Variants in FGF14 observed in about 807,000 individuals in gnomAD.
The protein encoded by FGF14 is fibroblast growth factor 14.
A neutral mutation model predicts 25.5 loss-of-function variants in FGF14; 5 were observed. The observed-to-expected ratio is 0.20, with a 90% CI of 0.10 to 0.41. FGF14 has a LOEUF of 0.41. FGF14 is among the 10% of genes least tolerant of loss of function. FGF14 has a pLI of 1.00. For synonymous variants in FGF14, 138 were observed against 118.3 expected, an observed-to-expected ratio of 1.17 and a Z score of -1.08; for missense variants, 222 against 320.1, an observed-to-expected ratio of 0.69 and a Z score of 2.34.
chr13:102,129,209 C>G (rs1171588220), intron 1 of FGF14, among the ~76,000 whole-genome samples: 1 of 151,870 alleles, frequency 6.6e-6, no homozygotes, highest in Non-Finnish European at 1.5e-5. Context: ...GAAAGCACAC[C>G]ACTGCACTCC....
intron 1 of FGF14, among the ~76,000 whole-genome samples, chr13:102,235,231 C>T (rs1326903118): frequency 6.6e-6 from 1 of 152,082 alleles, no homozygotes; most frequent in Non-Finnish European, 1.5e-5. Flanking sequence ...TTTAATCATG[C>T]CAAACAATAT....
At position 101,711,719 on chromosome 13, in the gene FGF14, A is replaced by C. The variant is rs1188947127; in HGVS notation, c.*11112T>G. ...CATTTCTTTCCCCTTCCTATGTCCT[A>C]AGATGCCCTGAAGACACATGAGAAA... On this transcript the variant is annotated 3_prime_UTR_variant, in exon 5 of 5. Transcript: ENST00000376143. 1 of 152,156 alleles carries C rather than the reference A, an allele frequency of 6.6e-6. No individual in the cohort carries two copies. The highest frequency in any genetic ancestry group is 6.5e-5 in the Admixed American group (1 of 15,276). The allele number at this position is 152,156 out of a possible 1,614,324, so 9.4% of individuals were successfully genotyped here.
chr13:102,280,281 A>G, intron 1 of FGF14, among the ~76,000 whole-genome samples: 1 of 152,180 alleles, frequency 6.6e-6, no homozygotes. Context: ...TGTCATTTTA[A>G]CAGCTGGTAC....
chr13:102,163,963 G>A (rs76200376), intron 1 of FGF14, among the ~76,000 whole-genome samples: 1,541 of 152,226 alleles, frequency 0.01, 8 homozygotes, highest in Non-Finnish European at 0.016. Flanking sequence ...TCTGATTCCC[G>A]TTGTAGATTA....
intron 1 of FGF14, chr13:102,263,110 C>T: frequency 4.8e-6 from 3 of 623,648 alleles, no homozygotes; most frequent in South Asian, 1.4e-5. Context: ...TACCAGTTTT[C>T]GTCTAAATCC....
chr13:101,926,517 T>C (rs2034376228), intron 1 of FGF14, among the ~76,000 whole-genome samples: 1 of 152,232 alleles, frequency 6.6e-6, no homozygotes, highest in South Asian at 2.1e-4. Context: ...CGTACAGCAA[T>C]TCTCAGTGAT....
At chr13:101,928,441 A>C (rs1248773165) in intron 1 of FGF14, among the ~76,000 whole-genome samples, 4 of 151,514 alleles carry the variant, frequency 2.6e-5, no homozygotes, top group Non-Finnish European at 5.9e-5. Context: ...GCTAACTTCA[A>C]TCAACAGGGA....
intron 1 of FGF14, among the ~76,000 whole-genome samples, chr13:102,153,019 C>T (rs1184455672): frequency 2.0e-5 from 3 of 152,224 alleles, no homozygotes; most frequent in Non-Finnish European, 4.4e-5. Flanking sequence ...TTGGGTGGAG[C>T]TGCTGGGAGC....
At chr13:102,111,751 A>T (rs553965398) in intron 1 of FGF14, among the ~76,000 whole-genome samples, 1 of 148,154 alleles carries the variant, frequency 6.7e-6, no homozygotes, top group African/African-American at 2.5e-5. Flanking sequence ...CTCATGTACA[A>T]AGAATTTTGT....
chr13:101,990,038 A>C (rs1053029991), intron 1 of FGF14, among the ~76,000 whole-genome samples: 2 of 152,124 alleles, frequency 1.3e-5, no homozygotes, highest in Non-Finnish European at 2.9e-5. Context: ...TTTGGAAATA[A>C]CTTTCCAAAA....
chr13:102,064,036 A>G (rs941690405), intron 1 of FGF14, among the ~76,000 whole-genome samples: 1 of 152,212 alleles, frequency 6.6e-6, no homozygotes, highest in Admixed American at 6.5e-5. Context: ...GAATGACAAT[A>G]AATAAAATAA....
intron 3 of FGF14, among the ~76,000 whole-genome samples, chr13:101,804,792 A>C (rs982564992): frequency 1.6e-4 from 25 of 152,270 alleles, no homozygotes; most frequent in African/African-American, 6.0e-4. Context: ...CTTTTGTTTT[A>C]CTTGACAGTT....
intron 1 of FGF14, among the ~76,000 whole-genome samples, chr13:102,021,989 T>C (rs910520339): frequency 6.6e-6 from 1 of 152,068 alleles, no homozygotes. Context: ...AGATCAGTGA[T>C]GTCATGATTC....
At chr13:102,000,625 T>G (rs2039440768) in intron 1 of FGF14, among the ~76,000 whole-genome samples, 1 of 152,210 alleles carries the variant, frequency 6.6e-6, no homozygotes, top group Non-Finnish European at 1.5e-5. Flanking sequence ...AAGGAAATAT[T>G]CTGAGCTGGC....
intron 1 of FGF14, among the ~76,000 whole-genome samples, chr13:102,122,749 G>A (rs780421788): frequency 1.3e-5 from 2 of 152,086 alleles, no homozygotes; most frequent in African/African-American, 4.8e-5. Context: ...AAAAATAAAT[G>A]ATAGCAAATA....
At position 102,316,961 on chromosome 13, in the gene FGF14, T is replaced by A. The variant is rs1048597258; in HGVS notation, c.208+84510A>T. 4.6e-5 allele frequency among the ~76,000 whole-genome samples: 7 copies of A among 152,284 alleles called. No homozygotes were observed. The East Asian group carries it at 1.4e-3, about 29-fold the overall frequency. Reference sequence around the variant, plus strand: ...ATGCAGTAAATTCACCTCATGATACTCATGATACTTCTTTTGATTGTATGG... The same window carrying A: ...ATGCAGTAAATTCACCTCATGATACACATGATACTTCTTTTGATTGTATGG... On this transcript the variant is annotated intron_variant, in intron 1 of 4. Coordinates refer to the FGF14 transcript ENST00000376131.
exon 1 of FGF14, chr13:102,401,761 T>C (rs2058707446): frequency 8.4e-7 from 1 of 1,184,064 alleles, no homozygotes; most frequent in Admixed American, 1.9e-5. Flanking sequence ...CAGTGATTGT[T>C]TGTTTTCGGC....
chr13:101,891,727 CATAT>C (rs1214123056), intron 1 of FGF14, among the ~76,000 whole-genome samples: 1 of 151,976 alleles, frequency 6.6e-6, no homozygotes, highest in Admixed American at 6.6e-5. Context: ...TATACACACA[CATAT>C]ATAAATATAC....
At chr13:102,027,527 C>T (rs981139418) in intron 1 of FGF14, among the ~76,000 whole-genome samples, 6 of 151,972 alleles carry the variant, frequency 3.9e-5, no homozygotes, top group Non-Finnish European at 8.8e-5. Context: ...TTTAAATTAT[C>T]TTGAATTCCC....
Sources: gnomAD v4.1 joint callset for allele counts (sites outside exome capture counted in the v4.1 genomes callset) on GRCh38, gnomAD v4.1.1 for gene constraint, MANE v1.5 for transcripts, NCBI Gene and HGNC (gene_info 2026-07-23, HGNC 2026-07-21) for gene names.